DPH6: variants seen among roughly 807,000 people sequenced by gnomAD.
DPH6 encodes the protein diphthine--ammonia ligase.
A neutral mutation model predicts 38.2 loss-of-function variants in DPH6; 33 were observed. That is an observed-to-expected ratio of 0.86 (90% CI 0.65 to 1.15). The LOEUF (loss-of-function observed/expected upper bound fraction) is 1.15, where lower values mean the gene tolerates loss of function less well. DPH6 is among the 50% of genes most tolerant of loss of function. The pLI is 0.00. For synonymous variants in DPH6, 108 were observed against 103.0 expected, an observed-to-expected ratio of 1.05 and a Z score of -0.30; for missense variants, 325 against 320.0, an observed-to-expected ratio of 1.02 and a Z score of -0.12.
intron 3 of DPH6, chr15:35,298,792 C>A: frequency 7.4e-6 from 9 of 1,209,408 alleles, no homozygotes; most frequent in Non-Finnish European, 1.1e-5. Flanking sequence ...GGTTGGAGAT[C>A]TCGGTCTGTC....
chr15:35,328,757 T>A (rs949822233), downstream of DPH6, among the ~76,000 whole-genome samples: 2 of 152,160 alleles, frequency 1.3e-5, no homozygotes, highest in Admixed American at 6.5e-5. Flanking sequence ...TCCTTATGGG[T>A]CAGTGTATTA....
At chr15:35,319,449 T>C (rs2052220873) in intron 3 of DPH6, among the ~76,000 whole-genome samples, 1 of 152,114 alleles carries the variant, frequency 6.6e-6, no homozygotes, top group African/African-American at 2.4e-5. Flanking sequence ...TCTAAAAATA[T>C]ATTCTTAGAG....
chr15:35,385,763 T>C (rs1023467258), intron 6 of DPH6, among the ~76,000 whole-genome samples: 4 of 152,134 alleles, frequency 2.6e-5, no homozygotes, highest in African/African-American at 9.7e-5. Flanking sequence ...TAAAGTATAA[T>C]AATAATAAAA....
downstream of DPH6, among the ~76,000 whole-genome samples, chr15:35,367,496 T>C (rs2052671084): frequency 6.6e-6 from 1 of 151,862 alleles, no homozygotes; most frequent in Non-Finnish European, 1.5e-5. Flanking sequence ...TTTTTCATTT[T>C]CTCAAGCCTG....
At chr15:35,326,022 GA>G (rs2052279174), downstream of DPH6, among the ~76,000 whole-genome samples, 1 of 151,904 alleles carries the variant, frequency 6.6e-6, no homozygotes, top group Non-Finnish European at 1.5e-5. Flanking sequence ...AATCAGAATA[GA>G]AAAAATTTTA....
intron 3 of DPH6, among the ~76,000 whole-genome samples, chr15:35,245,280 C>G (rs1303810908): frequency 2.1e-5 from 3 of 140,506 alleles, no homozygotes; most frequent in African/African-American, 5.2e-5. Flanking sequence ...GCACTCTCGC[C>G]CAGGCTGGAG....
chr15:35,228,162 T>C (rs1320470108), intron 3 of DPH6, among the ~76,000 whole-genome samples: 3 of 152,186 alleles, frequency 2.0e-5, no homozygotes, highest in Admixed American at 6.6e-5. Flanking sequence ...TAGACCAACA[T>C]TGTTTGCATA....
intron 3 of DPH6, among the ~76,000 whole-genome samples, chr15:35,283,333 C>T (rs1268515319): frequency 6.6e-6 from 1 of 151,670 alleles, no homozygotes; most frequent in African/African-American, 2.4e-5. Context: ...GAGTCAGAGT[C>T]TCACTCTGTC....
intron 6 of DPH6, among the ~76,000 whole-genome samples, chr15:35,410,154 A>G (rs1237963076): frequency 6.6e-6 from 1 of 151,832 alleles, no homozygotes; most frequent in East Asian, 1.9e-4. Context: ...GTTAAAAGAG[A>G]TAGGTTCTTT....
chr15:35,534,266 A>G (rs2055133968), intron 3 of DPH6, among the ~76,000 whole-genome samples: 1 of 151,412 alleles, frequency 6.6e-6, no homozygotes, highest in South Asian at 2.1e-4. Flanking sequence ...AATCCCAGCT[A>G]CTCAGGAGGC....
chr15:35,390,523 T>C (rs2053039394), intron 6 of DPH6, among the ~76,000 whole-genome samples: 1 of 152,244 alleles, frequency 6.6e-6, no homozygotes, highest in Non-Finnish European at 1.5e-5. Flanking sequence ...CCATATTTCT[T>C]GGAGGCTTTG....
intron 3 of DPH6, among the ~76,000 whole-genome samples, chr15:35,240,496 C>A (rs1275395909): frequency 2.1e-5 from 3 of 143,144 alleles, no homozygotes; most frequent in Non-Finnish European, 4.6e-5. Flanking sequence ...TCAGCCTCCG[C>A]TCCTCCACCC....
At chr15:35,391,982 C>T (rs562945068) in intron 6 of DPH6, among the ~76,000 whole-genome samples, 5 of 151,706 alleles carry the variant, frequency 3.3e-5, no homozygotes, top group African/African-American at 1.2e-4. Context: ...CCATCTTGAT[C>T]CCAACTGCAA....
In DPH6 at chr15:35,243,064, C is replaced by A. The variant is rs1052639002; in HGVS notation, n.201-22482G>T. ...CGTAGGCACTCTCTAATTAGATGTC[C>A]TAGGTCCTCCCAATTCTTAGTCCTT... On this transcript the variant is annotated intron_variant and non_coding_transcript_variant, in intron 3 of 3. Transcript: ENST00000560386. Among the ~76,000 whole-genome samples the A allele has an allele frequency of 1.4e-3, 199 of 142,644 alleles. 18 individuals carry two copies. The highest frequency in any genetic ancestry group is 4.8e-3 in the African/African-American group (188 of 39,244). 93.6% of individuals were successfully genotyped at this position (142,644 alleles called of 152,430 possible).
At chr15:35,502,443 T>C (rs1160134342) in intron 3 of DPH6, among the ~76,000 whole-genome samples, 1 of 152,032 alleles carries the variant, frequency 6.6e-6, no homozygotes, top group Non-Finnish European at 1.5e-5. Context: ...TAATCTCCCA[T>C]TCAGAGTTCT....
rs6145522 is a variant in DPH6 at position 35,543,259 on chromosome 15, AATAT to A, written c.24-756_24-753del. ...ATACATATAGTACACACATACACATAATATATATATATATATATATATATATATA... is the reference window on the plus strand; with the variant it reads ...ATACATATAGTACACACATACACATAATATATATATATATATATATATATA... On this transcript the variant is annotated intron_variant, in intron 1 of 8. Coordinates refer to ENST00000256538, the MANE Select transcript of DPH6 (RefSeq NM_080650.4). Among the ~76,000 whole-genome samples the A allele has an allele frequency of 9.7e-4, 111 of 114,068 alleles. 1 individual carries two copies. The highest frequency in any genetic ancestry group is 3.4e-3 in the African/African-American group (82 of 24,250). The allele number at this position is 114,068 out of a possible 152,430, so 74.8% of individuals were successfully genotyped here.
At chr15:35,444,579 T>C (rs535829723) in intron 5 of DPH6, among the ~76,000 whole-genome samples, 2 of 152,216 alleles carry the variant, frequency 1.3e-5, no homozygotes, top group Non-Finnish European at 2.9e-5. Flanking sequence ...CTACTAGAAC[T>C]GCTGGCAATG....
intron 3 of DPH6, among the ~76,000 whole-genome samples, chr15:35,297,034 A>T (rs911682378): frequency 6.6e-6 from 1 of 152,168 alleles, no homozygotes; most frequent in Non-Finnish European, 1.5e-5. Context: ...TAGGATCACA[A>T]TAGAATTATC....
At chr15:35,237,835 G>C in intron 3 of DPH6, 1 of 1,543,320 alleles carries the variant, frequency 6.5e-7, no homozygotes, top group South Asian at 1.1e-5. Flanking sequence ...TGGAGGAGGA[G>C]GAGGAGGATG....
Sources: gnomAD v4.1 joint callset for allele counts (sites outside exome capture counted in the v4.1 genomes callset) on GRCh38, gnomAD v4.1.1 for gene constraint, MANE v1.5 for transcripts, NCBI Gene and HGNC (gene_info 2026-07-23, HGNC 2026-07-21) for gene names.